Variants in NLGN4Y observed in about 807,000 individuals in gnomAD.
NLGN4Y encodes neuroligin 4 Y-linked, also known as neuroligin-4, Y-linked.
In NLGN4Y, 4 loss-of-function variants were observed where a neutral mutation model predicts 8.4. That is an observed-to-expected ratio of 0.48 (90% CI 0.23 to 1.09). The LOEUF (loss-of-function observed/expected upper bound fraction) is 1.09, where lower values mean the gene tolerates loss of function less well. Among genes scored for constraint, NLGN4Y ranks in the 50% least tolerant of loss-of-function variants. NLGN4Y has a pLI of 0.19. For missense variants in NLGN4Y, 90 were observed against 192.3 expected (o/e 0.47, Z 3.15); for synonymous variants, 35 against 75.6 (o/e 0.46, Z 2.78).
intron 2 of NLGN4Y, among the ~76,000 whole-genome samples, chrY:14,703,593 G>A (rs772995732): frequency 3.0e-5 from 1 of 33,551 alleles, no homozygotes; most frequent in South Asian, 6.6e-4. Context: ...GTCAGGTAGC[G>A]TGATGCCTCC....
intron 1 of NLGN4Y, among the ~76,000 whole-genome samples, chrY:14,621,467 G>A (rs1045139333): frequency 5.9e-5 from 2 of 33,753 alleles, no homozygotes; most frequent in Admixed American, 2.7e-4. Flanking sequence ...CAACATAGAT[G>A]TGATGAGTGT....
intron 4 of NLGN4Y, among the ~76,000 whole-genome samples, chrY:14,818,154 T>A (rs2043109360): frequency 4.7e-4 from 15 of 31,814 alleles, no homozygotes; most frequent in Admixed American, 4.2e-3. Flanking sequence ...CCTTCCGAAC[T>A]GTCCTTACAA....
intron 2 of NLGN4Y, among the ~76,000 whole-genome samples, chrY:14,702,115 A>G (rs2080850230): frequency 3.1e-5 from 1 of 31,800 alleles, no homozygotes; most frequent in Non-Finnish European, 7.7e-5. Flanking sequence ...TCAGCCTCCC[A>G]GTGTTTTGGG....
intron 4 of NLGN4Y, among the ~76,000 whole-genome samples, chrY:14,731,813 G>T (rs2080973426): frequency 3.0e-5 from 1 of 33,293 alleles, no homozygotes; most frequent in Admixed American, 2.8e-4. Flanking sequence ...CTGTTCCAAT[G>T]CAGATACCAG....
intron 2 of NLGN4Y, among the ~76,000 whole-genome samples, chrY:14,692,487 T>C (rs570451132): frequency 3.0e-5 from 1 of 32,823 alleles, no homozygotes; most frequent in African/African-American, 1.2e-4. Context: ...AGAATCAAGG[T>C]ACTTCTATAG....
intron 1 of NLGN4Y, among the ~76,000 whole-genome samples, chrY:14,588,998 T>C: frequency 6.1e-5 from 2 of 32,928 alleles, no homozygotes; most frequent in African/African-American, 2.4e-4. Context: ...TTACAGCTCA[T>C]AAAAGCAGCG....
chrY:14,825,317 C>T (rs1019382840), intron 5 of NLGN4Y, among the ~76,000 whole-genome samples: 4 of 28,514 alleles, frequency 1.4e-4, no homozygotes, highest in Non-Finnish European at 2.5e-4. Flanking sequence ...CTCTGTCTCT[C>T]GCCCTTCCTC....
intron 4 of NLGN4Y, among the ~76,000 whole-genome samples, chrY:14,747,393 C>T (rs2081027328): frequency 3.0e-5 from 1 of 33,299 alleles, no homozygotes; most frequent in Non-Finnish European, 7.4e-5. Context: ...GTGCACACAG[C>T]AGCTCTCCTT....
At chrY:14,776,594 T>C in intron 4 of NLGN4Y, among the ~76,000 whole-genome samples, 4 of 31,619 alleles carry the variant, frequency 1.3e-4, no homozygotes, top group African/African-American at 4.9e-4. Context: ...CCTGAAAGCT[T>C]TTCATGGTAT....
intron 1 of NLGN4Y, among the ~76,000 whole-genome samples, chrY:14,596,789 C>G (rs2080401660): frequency 3.0e-5 from 1 of 33,218 alleles, no homozygotes; most frequent in African/African-American, 1.2e-4. Context: ...AAAGATAGGA[C>G]AATATAGCAA....
At chrY:14,781,109 G>C in intron 4 of NLGN4Y, among the ~76,000 whole-genome samples, 1 of 33,677 alleles carries the variant, frequency 3.0e-5, no homozygotes, top group African/African-American at 1.2e-4. Flanking sequence ...CTAGATCCTG[G>C]TGTATTCCTA....
At chrY:14,681,924 G>A in intron 2 of NLGN4Y, among the ~76,000 whole-genome samples, 1 of 33,323 alleles carries the variant, frequency 3.0e-5, no homozygotes, top group Admixed American at 2.7e-4. Flanking sequence ...ACAGATGCAT[G>A]GGAGTAGGTT....
At chrY:14,682,207 T>G in intron 2 of NLGN4Y, among the ~76,000 whole-genome samples, 1 of 33,473 alleles carries the variant, frequency 3.0e-5, no homozygotes, top group Non-Finnish European at 7.4e-5. Context: ...CCAGGGCATG[T>G]CTTTTTGAGG....
At chrY:14,598,548 C>A (rs2150496846) in intron 1 of NLGN4Y, among the ~76,000 whole-genome samples, 1 of 32,416 alleles carries the variant, frequency 3.1e-5, no homozygotes, top group East Asian at 8.5e-4. Flanking sequence ...GCAAGCACAG[C>A]AGGCAGCCCC....
chrY:14,544,909 T>A, intron 1 of NLGN4Y, among the ~76,000 whole-genome samples: 1 of 31,116 alleles, frequency 3.2e-5, no homozygotes, highest in Non-Finnish European at 7.8e-5. Flanking sequence ...TAGGTATATC[T>A]CCCGATGCTA....
chrY:14,720,947 T>A (rs754780954), intron 3 of NLGN4Y, among the ~76,000 whole-genome samples: 1 of 33,545 alleles, frequency 3.0e-5, no homozygotes, highest in East Asian at 7.8e-4. Context: ...ACTTTTGTTC[T>A]CTCATACCTT....
intron 1 of NLGN4Y, among the ~76,000 whole-genome samples, chrY:14,527,004 C>T: frequency 6.1e-5 from 2 of 33,030 alleles, no homozygotes; most frequent in Admixed American, 2.8e-4. Flanking sequence ...AGCTTATAGT[C>T]TCTCCACAAA....
chrY:14,801,923 C>A (rs2043034512), intron 4 of NLGN4Y, among the ~76,000 whole-genome samples: 1 of 33,421 alleles, frequency 3.0e-5, no homozygotes, highest in Non-Finnish European at 7.4e-5. Context: ...ACTGTTCCCC[C>A]AATTGTGAAT....
chrY:14,693,526 G>A (rs753837118), intron 2 of NLGN4Y, among the ~76,000 whole-genome samples: 1 of 32,806 alleles, frequency 3.0e-5, no homozygotes, highest in African/African-American at 1.2e-4. Flanking sequence ...CAGGTTGAGT[G>A]ATCCTCCCAC....
Sources: allele counts gnomAD v4.1 joint callset (sites outside exome capture counted in the v4.1 genomes callset), GRCh38; gene constraint gnomAD v4.1.1; transcripts MANE v1.5; gene names NCBI Gene and HGNC (gene_info 2026-07-23, HGNC 2026-07-21).